HDAC4: variants seen among roughly 807,000 people sequenced by gnomAD.
HDAC4 encodes the protein histone deacetylase 4, also known as histone deacetylase A.
A neutral mutation model predicts 135.1 loss-of-function variants in HDAC4; 16 were observed. The ratio of observed to expected loss-of-function variants is 0.12; its 90% CI spans 0.08 to 0.18. The LOEUF is 0.18. Among genes scored for constraint, HDAC4 ranks in the 10% least tolerant of loss-of-function variants. HDAC4 has a pLI of 1.00. For missense variants in HDAC4, 1,143 were observed against 1,511.8 expected (o/e 0.76, Z 4.05); for synonymous variants, 685 against 653.4 (o/e 1.05, Z -0.74).
chr2:239,098,262 C>T (rs1559422395), intron 16 of HDAC4, among the ~76,000 whole-genome samples: 2 of 152,234 alleles, frequency 1.3e-5, no homozygotes, highest in Non-Finnish European at 2.9e-5. Context: ...GCCCAGGCCA[C>T]GAAACGTTCC....
chr2:239,246,881 G>GTGGGTGCGTCAC lies in HDAC4; in HGVS notation c.23-10229_23-10218dup, dbSNP rs377681168. On this transcript the variant is annotated intron_variant, in intron 2 of 26. Coordinates refer to ENST00000543185, the MANE Select transcript of HDAC4 (RefSeq NM_001378414.1). ...CCACTGCCCAGTGGCGAGGGCACAT[G>GTGGGTGCGTCAC]TGGGTGCGTCACTGCACAGCTGTGC... 5.0e-4 allele frequency among the ~76,000 whole-genome samples: 76 copies of GTGGGTGCGTCAC among 152,356 alleles called. 1 individual carries two copies. Among genetic ancestry groups the GTGGGTGCGTCAC allele is most frequent in the African/African-American group, 1.7e-3 (72 of 41,594 alleles).
chr2:239,249,926 C>G (rs552590001), intron 2 of HDAC4, among the ~76,000 whole-genome samples: 1 of 152,342 alleles, frequency 6.6e-6, no homozygotes, highest in African/African-American at 2.4e-5. Flanking sequence ...TCTGCCGTCT[C>G]TCACCCCGCG....
chr2:239,109,230 C>T (rs1300120082), intron 14 of HDAC4, among the ~76,000 whole-genome samples: 8 of 152,240 alleles, frequency 5.3e-5, no homozygotes, highest in East Asian at 1.9e-4. Flanking sequence ...AGACGCCTTC[C>T]GCAGGCAGGT....
chr2:239,066,966 A>C, intron 23 of HDAC4, 111 bp from the exon 24 acceptor site: 1 of 1,321,806 alleles, frequency 7.6e-7, no homozygotes, highest in Non-Finnish European at 1.1e-6. Context: ...GGGTGTCGAG[A>C]CACATGGCCA....
At chr2:239,287,170 G>A (rs549888495) in intron 2 of HDAC4, among the ~76,000 whole-genome samples, 13 of 152,306 alleles carry the variant, frequency 8.5e-5, no homozygotes, top group Admixed American at 2.0e-4. Flanking sequence ...AACTGCAGCC[G>A]TGCCTGGATT....
At chr2:239,261,843 G>A (rs1447471905) in intron 2 of HDAC4, among the ~76,000 whole-genome samples, 5 of 152,156 alleles carry the variant, frequency 3.3e-5, no homozygotes, top group African/African-American at 4.8e-5. Context: ...AGCCCGGCAG[G>A]GACACCCCCC....
chr2:239,392,499 T>G (rs2060571165), intron 1 of HDAC4, among the ~76,000 whole-genome samples: 1 of 152,146 alleles, frequency 6.6e-6, no homozygotes, highest in African/African-American at 2.4e-5. Flanking sequence ...ATGGCTCACT[T>G]TAAAGGTCCA....
In HDAC4 at chr2:239,134,336, G is replaced by C; in HGVS notation, c.1203C>G (p.Pro401=). 1 of 1,614,006 alleles carries C rather than the reference G, an allele frequency of 6.2e-7. No homozygotes were observed. The highest frequency in any genetic ancestry group is 8.5e-7 in the Non-Finnish European group (1 of 1,180,018). Residue 401 remains proline (P), a synonymous_variant, in exon 11 of 27, where the codon CCC becomes CCG. Transcript: ENST00000543185. ...THLTPYLSTS[P]LERDGGAAHS... is the part of the protein sequence containing the mutation. ...GCGCTGCCCCTCCGTCCCGCTCCAA[G>C]GGCGAGGTGCTCAGGTAGGGAGTGA...
intron 2 of HDAC4, among the ~76,000 whole-genome samples, chr2:239,271,778 C>T (rs1299299669): frequency 6.6e-6 from 1 of 152,196 alleles, no homozygotes; most frequent in African/African-American, 2.4e-5. Flanking sequence ...CATTCAGAGT[C>T]CCTGATGGCT....
Position 239,049,990 on chromosome 2 carries a change from G to A in HDAC4, c.*3107C>T, listed in dbSNP as rs750311564. ...TTGCAAAGGAAGAAAAAGGCTAAAGGTCCAAGGACCCACAGGGAGAACACA... is the reference window on the plus strand; with the variant it reads ...TTGCAAAGGAAGAAAAAGGCTAAAGATCCAAGGACCCACAGGGAGAACACA... On this transcript the variant is annotated 3_prime_UTR_variant, in exon 27 of 27. Transcript: ENST00000543185. 6.5e-6 allele frequency: 1 copy of A among 152,690 alleles called. No homozygotes were observed. The highest frequency in any genetic ancestry group is 1.5e-5 in the Non-Finnish European group (1 of 68,104). 9.5% of individuals were successfully genotyped at this position (152,690 alleles called of 1,614,324 possible). A position where few individuals can be genotyped will look rare whatever the true frequency, so the allele number is the denominator to read the frequency against.
intron 2 of HDAC4, among the ~76,000 whole-genome samples, chr2:239,279,811 G>A (rs138689278): frequency 1.1e-3 from 166 of 152,310 alleles, no homozygotes; most frequent in African/African-American, 3.8e-3. Flanking sequence ...GGTGGAAACC[G>A]CGCCCTCAGG....
intron 6 of HDAC4, among the ~76,000 whole-genome samples, chr2:239,162,751 A>G (rs6748376): frequency 0.012 from 1,840 of 152,250 alleles, 24 homozygotes; most frequent in Middle Eastern, 0.024. Context: ...AGCGGCTGCC[A>G]GAGTGGAGGA....
At chr2:239,120,172 C>T (rs868557045) in intron 12 of HDAC4, among the ~76,000 whole-genome samples, 11 of 152,164 alleles carry the variant, frequency 7.2e-5, no homozygotes, top group Admixed American at 1.3e-4. Flanking sequence ...AGTGCAGATT[C>T]GAGTCTGGGA....
rs777528033 is a variant in HDAC4 at position 239,081,092 on chromosome 2, C to T, written c.2750+3G>A. The T allele has an allele frequency of 1.8e-5, 29 of 1,611,194 alleles. No homozygotes were observed. Among genetic ancestry groups the T allele is most frequent in the Middle Eastern group, 1.6e-4 (1 of 6,080 alleles). On this transcript the variant is annotated splice_donor_region_variant and intron_variant, in intron 22 of 26. Coordinates refer to ENST00000543185, the MANE Select transcript of HDAC4 (RefSeq NM_001378414.1). Reference sequence around the variant, plus strand: ...AGGTGTCATGTGAAGCCGGGAGGCTCACCTGAAGGCCGCCAAGTACTCAGC... The same window carrying T: ...AGGTGTCATGTGAAGCCGGGAGGCTTACCTGAAGGCCGCCAAGTACTCAGC...
intron 1 of HDAC4, among the ~76,000 whole-genome samples, chr2:239,383,042 A>G (rs1347686966): frequency 6.6e-6 from 1 of 152,136 alleles, no homozygotes; most frequent in Non-Finnish European, 1.5e-5. Context: ...TAACAACTCA[A>G]GTGAAGTGTT....
intron 1 of HDAC4, among the ~76,000 whole-genome samples, chr2:239,390,974 A>C (rs759806073): frequency 2.0e-5 from 3 of 152,200 alleles, no homozygotes; most frequent in Middle Eastern, 3.2e-3. Context: ...GTCTCAGGGC[A>C]GCTCCCTCTC....
In HDAC4 at chr2:239,134,547, G is replaced by A. The variant is rs2152882639; in HGVS notation, c.1075C>T (p.Pro359Ser). The change falls in exon 10 of 27, where the codon CCT (proline) becomes TCT (serine). Residue 359 changes from proline to serine, a missense_variant. Transcript: ENST00000543185. ...PSLPNITLGL[P>S]ATGPSAGTAG... ...CTTACCGCAGAGGGGCCGGTGGCAG[G>A]CAGGCCCAGCGTGATGTTGGGCAAG... The A allele has an allele frequency of 6.2e-7, 1 of 1,614,030 alleles. No homozygotes were observed. The highest frequency in any genetic ancestry group is 8.5e-7 in the Non-Finnish European group (1 of 1,179,908).
chr2:239,323,377 G>A (rs926096096), intron 2 of HDAC4, among the ~76,000 whole-genome samples: 1 of 152,166 alleles, frequency 6.6e-6, no homozygotes, highest in Non-Finnish European at 1.5e-5. Context: ...AGGGTAAAGA[G>A]AGCATTTTCC....
At chr2:239,398,629 T>G (rs1309256233) in intron 1 of HDAC4, among the ~76,000 whole-genome samples, 1 of 152,234 alleles carries the variant, frequency 6.6e-6, no homozygotes, top group African/African-American at 2.4e-5. Context: ...GGTTGTCCTG[T>G]CCATCTTGCT....
Sources: allele counts gnomAD v4.1 joint callset (sites outside exome capture counted in the v4.1 genomes callset), GRCh38; gene constraint gnomAD v4.1.1; transcripts MANE v1.5; gene names NCBI Gene and HGNC (gene_info 2026-07-23, HGNC 2026-07-21).